TTLL12: variants seen among roughly 807,000 people sequenced by gnomAD.
The protein encoded by TTLL12 is tubulin tyrosine ligase like 12, also known as tubulin--tyrosine ligase-like protein 12.
TTLL12 carries 77 observed loss-of-function variants against 79.6 expected under a neutral mutation model. That is an observed-to-expected ratio of 0.97 (90% CI 0.81 to 1.17). TTLL12 has a LOEUF of 1.17. TTLL12 is among the 50% of genes most tolerant of loss of function. The pLI is 0.00. For synonymous variants in TTLL12, 437 were observed against 376.1 expected (o/e 1.16, Z -1.87); for missense variants, 969 against 895.9 (o/e 1.08, Z -1.04).
At chr22:43,172,186 C>A (rs552830656) in intron 10 of TTLL12, among the ~76,000 whole-genome samples, 1 of 152,184 alleles carries the variant, frequency 6.6e-6, no homozygotes, top group African/African-American at 2.4e-5. Flanking sequence ...TGTTCACATC[C>A]ATTACTGTGG....
intron 3 of TTLL12, 138 bp downstream of exon 3, chr22:43,180,604 G>A (rs949537355): frequency 4.0e-6 from 4 of 991,708 alleles, no homozygotes; most frequent in African/African-American, 3.2e-5. Flanking sequence ...CCCCAGGATA[G>A]CACTCTCCTT....
chr22:43,182,535 A>C (rs954548220), intron 2 of TTLL12, among the ~76,000 whole-genome samples: 1 of 152,162 alleles, frequency 6.6e-6, no homozygotes, highest in Admixed American at 6.5e-5. Flanking sequence ...CTCTGCCCTA[A>C]CTACACCGTG....
At chr22:43,178,752 G>T (rs1931978164) in intron 5 of TTLL12, among the ~76,000 whole-genome samples, 1 of 152,250 alleles carries the variant, frequency 6.6e-6, no homozygotes, top group African/African-American at 2.4e-5. Context: ...GCCTCAGCTG[G>T]ACTCCAGCTC....
chr22:43,174,766 G>A (rs865908175), intron 6 of TTLL12, 151 bp from the exon 7 acceptor site: 10 of 609,530 alleles, frequency 1.6e-5, no homozygotes, highest in African/African-American at 3.7e-5. Context: ...TGGACAGCCC[G>A]GGTTCAGACC....
chr22:43,171,500 G>C (rs1184931566), intron 11 of TTLL12: 3 of 278,026 alleles, frequency 1.1e-5, no homozygotes, highest in Non-Finnish European at 7.1e-6. Context: ...TTTTCCGGTT[G>C]AAGTGGTGGT....
In TTLL12 at chr22:43,174,457, A is replaced by C. The variant is rs2269525; in HGVS notation, c.1034+42T>G. The C allele has an allele frequency of 2.5e-6, 4 of 1,576,236 alleles. No homozygotes were observed. The South Asian group carries it at 4.6e-5, about 18-fold the overall frequency. ...CAAGGGGAGGCCGGCAGTGCCTAGA[A>C]GCCCTGACTGGGAGGGCCCCTGCGG... On this transcript the variant is annotated intron_variant, in intron 7 of 13. Transcript: ENST00000216129.
intron 9 of TTLL12, 78 bp downstream of exon 9, chr22:43,173,637 T>C (rs2147068904): frequency 7.2e-7 from 1 of 1,384,536 alleles, no homozygotes; most frequent in Non-Finnish European, 9.9e-7. Flanking sequence ...AGGACCATGA[T>C]GCTCGGTCCC....
intron 11 of TTLL12, among the ~76,000 whole-genome samples, chr22:43,171,366 T>A (rs151264073): frequency 6.6e-6 from 1 of 152,316 alleles, no homozygotes; most frequent in Non-Finnish European, 1.5e-5. Flanking sequence ...GGGGCACCGC[T>A]CAACACTGTG....
rs997687737 is a variant in TTLL12 at position 43,182,432 on chromosome 22, T to C, written c.347+548A>G. On this transcript the variant is annotated intron_variant, in intron 2 of 13. Coordinates refer to ENST00000216129, the MANE Select transcript of TTLL12 (RefSeq NM_015140.4). ...GGGGCCCAGCAAGTTTCTCTGAGGGTCCACAAAACCTTTGGCAGATGGGCC... is the reference window on the plus strand; with the variant it reads ...GGGGCCCAGCAAGTTTCTCTGAGGGCCCACAAAACCTTTGGCAGATGGGCC... Among the ~76,000 whole-genome samples the C allele has an allele frequency of 5.3e-5, 8 of 152,214 alleles. No homozygotes were observed. The East Asian group carries it at 7.7e-4, about 15-fold the overall frequency.
intron 9 of TTLL12, among the ~76,000 whole-genome samples, chr22:43,173,299 T>C (rs1021401150): frequency 6.6e-6 from 1 of 152,094 alleles, no homozygotes; most frequent in African/African-American, 2.4e-5. Flanking sequence ...AACTTTGCGA[T>C]TAGACGCACC....
chr22:43,168,023 A>G lies in TTLL12; in HGVS notation c.1920T>C (p.Val640=). The stretch of plus-strand genomic sequence containing the variant: ...CAGCGAGTGCCTAGACAAGGCAGGT[A>G]ACGTGGCAGCCACCGGGCTGGTCCA... ...LFLDQPGGCH[V]TCLV is the part of the protein sequence containing the mutation. The change falls in exon 14 of 14, where the codon GTT becomes GTC. Residue 640 remains valine (V), a synonymous_variant. Coordinates refer to ENST00000216129, the MANE Select transcript of TTLL12 (RefSeq NM_015140.4). 6.2e-7 allele frequency: 1 copy of G among 1,613,926 alleles called. No individual in the cohort carries two copies. Among genetic ancestry groups the G allele is most frequent in the Non-Finnish European group, 8.5e-7 (1 of 1,179,882 alleles).
Position 43,167,933 on chromosome 22 carries a change from G to T in TTLL12, c.*75C>A. ...GGGCCGGTGTGGGGAGGGACATGGG[G>T]GCCTTTGCAGAAGCAGCTCAGAGAA... On this transcript the variant is annotated 3_prime_UTR_variant, in exon 14 of 14. Coordinates refer to ENST00000216129, the MANE Select transcript of TTLL12 (RefSeq NM_015140.4). 5.8e-6 allele frequency: 9 copies of T among 1,552,590 alleles called. No homozygotes were observed. The highest frequency in any genetic ancestry group is 7.9e-6 in the Non-Finnish European group (9 of 1,141,322).
At chr22:43,179,554 T>A in intron 5 of TTLL12, 65 bp downstream of exon 5, 1 of 1,487,154 alleles carries the variant, frequency 6.7e-7, no homozygotes, top group African/African-American at 1.4e-5. Flanking sequence ...ACATTTGGTG[T>A]GTGCACAGAG....
At chr22:43,184,208 A>G (rs1254997947) in intron 1 of TTLL12, among the ~76,000 whole-genome samples, 2 of 152,248 alleles carry the variant, frequency 1.3e-5, no homozygotes, top group African/African-American at 4.8e-5. Flanking sequence ...GTTCCTCCCT[A>G]AAACGTATTT....
At position 43,171,889 on chromosome 22, in the gene TTLL12, A is replaced by C; in HGVS notation, c.1505T>G (p.Leu502Arg). 6.2e-7 allele frequency: 1 copy of C among 1,614,130 alleles called. No homozygotes were observed. The highest frequency in any genetic ancestry group is 8.5e-7 in the Non-Finnish European group (1 of 1,179,994). ...CTTCTCGTAGTCATCCAGGTCGTTG[A>C]GTGCAAAGGCCCTGGAAGACAAGTG... is the stretch of plus-strand genomic sequence containing the variant. The part of the protein sequence containing the change: ...WLRFSNRAFA[L>R]NDLDDYEKHF... The change falls in exon 11 of 14, where the codon CTC (leucine) becomes CGC (arginine). Residue 502 changes from leucine to arginine, a missense_variant. Coordinates refer to ENST00000216129, the MANE Select transcript of TTLL12 (RefSeq NM_015140.4).
At chr22:43,174,014 C>A (rs775264913) in intron 8 of TTLL12, among the ~76,000 whole-genome samples, 188 bp from the exon 9 acceptor site, 1 of 152,042 alleles carries the variant, frequency 6.6e-6, no homozygotes, top group Non-Finnish European at 1.5e-5. Flanking sequence ...AGCTGCGCTG[C>A]GGTGGAGAGG....
chr22:43,172,738 C>T (rs1418604667), intron 9 of TTLL12, among the ~76,000 whole-genome samples, 184 bp from the exon 10 acceptor site: 1 of 151,318 alleles, frequency 6.6e-6, no homozygotes, highest in Non-Finnish European at 1.5e-5. Context: ...TGTTCTGTTG[C>T]CCAAGCTGGA....
chr22:43,176,122 C>A (rs1200592093), intron 6 of TTLL12, among the ~76,000 whole-genome samples, 198 bp downstream of exon 6: 1 of 151,958 alleles, frequency 6.6e-6, no homozygotes, highest in Non-Finnish European at 1.5e-5. Context: ...TGCTCGCTCT[C>A]TCACTTTCTG....
chr22:43,179,578 C>T, intron 5 of TTLL12, 41 bp downstream of exon 5: 1 of 1,520,000 alleles, frequency 6.6e-7, no homozygotes, highest in East Asian at 2.3e-5. Flanking sequence ...ATTCTGGAAG[C>T]TACCAAGCAG....
Sources: gnomAD v4.1 joint callset for allele counts (sites outside exome capture counted in the v4.1 genomes callset) on GRCh38, gnomAD v4.1.1 for gene constraint, MANE v1.5 for transcripts, NCBI Gene and HGNC (gene_info 2026-07-23, HGNC 2026-07-21) for gene names.